Variants in WDR25 observed in about 807,000 individuals in gnomAD.
The protein encoded by WDR25 is WD repeat-containing protein 25.
Under a neutral mutation model 47.7 loss-of-function variants are expected in WDR25, and 35 were observed. The observed-to-expected ratio is 0.73, with a 90% CI of 0.56 to 0.97. The LOEUF (loss-of-function observed/expected upper bound fraction) is 0.97, where lower values mean the gene tolerates loss of function less well. Ranked by LOEUF, WDR25 falls within the 50% of genes least tolerant of loss-of-function variation. The pLI is 0.00. For missense variants in WDR25, 634 were observed against 704.7 expected (o/e 0.90, Z 1.14); for synonymous variants, 248 against 278.9 (o/e 0.89, Z 1.10).
intron 4 of WDR25, among the ~76,000 whole-genome samples, chr14:100,494,316 G>A (rs1004602572): frequency 5.3e-5 from 8 of 152,222 alleles, no homozygotes; most frequent in Admixed American, 3.9e-4. Flanking sequence ...TGCTTACAGT[G>A]CCCTTCTGTT....
chr14:100,527,490 T>C lies in WDR25; in HGVS notation c.1272+1450T>C, dbSNP rs545132789. Among the ~76,000 whole-genome samples the C allele has an allele frequency of 9.8e-5, 15 of 152,384 alleles. No individual in the cohort carries two copies. The South Asian group carries it at 1.0e-3, about 11-fold the overall frequency. On this transcript the variant is annotated intron_variant, in intron 5 of 6. Coordinates refer to ENST00000402312, the MANE Select transcript of WDR25 (RefSeq NM_001161476.3). Reference sequence around the variant, plus strand: ...ATATCTATCCTGTGTACACCTTCTTTTCCTCCCTGCCTTTTCCTTGTTCTC... The same window carrying C: ...ATATCTATCCTGTGTACACCTTCTTCTCCTCCCTGCCTTTTCCTTGTTCTC...
At chr14:100,415,817 G>A (rs1305075430) in intron 2 of WDR25, among the ~76,000 whole-genome samples, 8 of 152,186 alleles carry the variant, frequency 5.3e-5, no homozygotes, top group Admixed American at 4.6e-4. Flanking sequence ...GGGATCTCAT[G>A]CCTTCTGCTA....
intron 2 of WDR25, among the ~76,000 whole-genome samples, chr14:100,433,346 G>A (rs551308960): frequency 6.6e-6 from 1 of 152,360 alleles, no homozygotes; most frequent in South Asian, 2.1e-4. Flanking sequence ...CCCTTTGGCA[G>A]GAGTGTTCCG....
At chr14:100,403,320 A>G (rs1375203693) in intron 2 of WDR25, among the ~76,000 whole-genome samples, 1 of 152,244 alleles carries the variant, frequency 6.6e-6, no homozygotes, top group Non-Finnish European at 1.5e-5. Context: ...GCTGCCTTGA[A>G]TTAGAATGAC....
At chr14:100,422,675 C>T (rs1025044933) in intron 2 of WDR25, among the ~76,000 whole-genome samples, 6 of 152,206 alleles carry the variant, frequency 3.9e-5, no homozygotes, top group East Asian at 1.9e-4. Context: ...GTTCCGTGGA[C>T]GCCCACCAGC....
chr14:100,417,644 C>A (rs1459232130), intron 2 of WDR25, among the ~76,000 whole-genome samples: 5 of 152,194 alleles, frequency 3.3e-5, no homozygotes, highest in Non-Finnish European at 7.3e-5. Context: ...GAGACCGAGC[C>A]TTTTCCTTGT....
intron 4 of WDR25, among the ~76,000 whole-genome samples, chr14:100,514,338 T>C (rs931745651): frequency 2.1e-4 from 32 of 152,212 alleles, no homozygotes; most frequent in Non-Finnish European, 5.9e-5. Flanking sequence ...TGTCTAACAA[T>C]CTCTTCTTTC....
chr14:100,460,589 T>C (rs1244433206), intron 2 of WDR25, among the ~76,000 whole-genome samples: 4 of 151,998 alleles, frequency 2.6e-5, no homozygotes, highest in Non-Finnish European at 5.9e-5. Flanking sequence ...AGAAAAACCA[T>C]ATGAACATTT....
At chr14:100,463,261 T>C (rs977427877) in intron 2 of WDR25, among the ~76,000 whole-genome samples, 4 of 152,062 alleles carry the variant, frequency 2.6e-5, no homozygotes, top group Non-Finnish European at 5.9e-5. Flanking sequence ...TTAAACATAC[T>C]CAAAATTATA....
rs1169019183 is a variant in WDR25 at position 100,488,368 on chromosome 14, T to C, written c.1101+4244T>C. ...GCCTGTGGTCTGACCTTTATAGTAT[T>C]GTGAGGGTCAATTTCTGCAGAAGCC... On this transcript the variant is annotated intron_variant, in intron 4 of 6. Coordinates refer to ENST00000402312, the MANE Select transcript of WDR25 (RefSeq NM_001161476.3). The surrounding 1 kb of genome is among the most constrained non-coding windows in gnomAD (Gnocchi z 4.2). Among the ~76,000 whole-genome samples, 1 of 152,092 alleles carries C rather than the reference T, an allele frequency of 6.6e-6. No individual in the cohort carries two copies. Among genetic ancestry groups the C allele is most frequent in the Non-Finnish European group, 1.5e-5 (1 of 68,014 alleles).
intron 2 of WDR25, among the ~76,000 whole-genome samples, chr14:100,418,601 C>G (rs1396012137): frequency 3.3e-5 from 5 of 150,388 alleles, no homozygotes; most frequent in African/African-American, 1.2e-4. Context: ...TGTGCCACTG[C>G]ACTCTAGCCT....
intron 2 of WDR25, among the ~76,000 whole-genome samples, chr14:100,451,477 C>A (rs1899030669): frequency 6.6e-6 from 1 of 152,200 alleles, no homozygotes; most frequent in Non-Finnish European, 1.5e-5. Flanking sequence ...GCCTCAGCCA[C>A]CCAAAGTGTT....
chr14:100,422,805 G>A (rs1898065439), intron 2 of WDR25, among the ~76,000 whole-genome samples: 1 of 152,202 alleles, frequency 6.6e-6, no homozygotes, highest in African/African-American at 2.4e-5. Context: ...CTGCCCACTG[G>A]CGAGGCCAGG....
rs1242638600 is a variant in WDR25, at chr14:100,392,812, T to C, written c.822+11066T>C. On this transcript the variant is annotated intron_variant, in intron 2 of 6. Coordinates refer to ENST00000402312, the MANE Select transcript of WDR25 (RefSeq NM_001161476.3). This position sits in a 1 kb window ranked among gnomAD's most constrained non-coding sequence, Gnocchi z 4.2. ...CTAATTTTTGCTATTATATAGATAA[T>C]GCTGAAGTGGTTATCTTCATGCATG... is the stretch of plus-strand genomic sequence containing the variant. Among the ~76,000 whole-genome samples, 1 of 152,238 alleles carries C rather than the reference T, an allele frequency of 6.6e-6. No individual in the cohort carries two copies. Among genetic ancestry groups the C allele is most frequent in the Non-Finnish European group, 1.5e-5 (1 of 68,048 alleles).
At position 100,381,529 on chromosome 14, in the gene WDR25, C is replaced by T; in HGVS notation, c.605C>T (p.Pro202Leu). The change falls in exon 2 of 7, where the codon CCC becomes CTC. Residue 202 changes from proline (P) to leucine (L), a missense_variant. By Grantham distance (98) the Pro-to-Leu change is moderately conservative (BLOSUM62 -3). Coordinates refer to ENST00000402312, the MANE Select transcript of WDR25 (RefSeq NM_001161476.3). ...GKGKDVEPQG[P>L]PAGRAPAPLY... ...GGTAAAGACGTGGAGCCACAGGGGC[C>T]CCCTGCAGGGCGTGCCCCAGCCCCT... The T allele has an allele frequency of 6.2e-7, 1 of 1,614,058 alleles. No homozygotes were observed.
At chr14:100,520,745 G>C (rs2029868931) in intron 4 of WDR25, among the ~76,000 whole-genome samples, 1 of 152,192 alleles carries the variant, frequency 6.6e-6, no homozygotes, top group South Asian at 2.1e-4. Flanking sequence ...GGCTGGGGAG[G>C]AGAAGGTTTA....
chr14:100,480,929 T>G (rs572008816), intron 3 of WDR25: 1 of 387,506 alleles, frequency 2.6e-6, no homozygotes, highest in South Asian at 2.1e-5. Context: ...GCACCTGGCA[T>G]GCACCCTCCC....
intron 2 of WDR25, among the ~76,000 whole-genome samples, chr14:100,402,756 T>C (rs979538914): frequency 3.9e-5 from 6 of 152,168 alleles, no homozygotes; most frequent in Non-Finnish European, 7.3e-5. Context: ...GAAATGAGCA[T>C]TCATGATTCT....
intron 2 of WDR25, among the ~76,000 whole-genome samples, chr14:100,458,924 A>ATATC (rs1176728819): frequency 3.3e-5 from 5 of 152,228 alleles, no homozygotes; most frequent in Non-Finnish European, 5.9e-5. Context: ...ATAGCACTAA[A>ATATC]TATCTATATT....
Sources: gnomAD v4.1 joint callset for allele counts (sites outside exome capture counted in the v4.1 genomes callset) on GRCh38, gnomAD v4.1.1 for gene constraint, Gnocchi (gnomAD v3.1) non-coding constraint, MANE v1.5 for transcripts, NCBI Gene and HGNC (gene_info 2026-07-23, HGNC 2026-07-21) for gene names.